Variants in EYS observed in about 807,000 individuals in gnomAD.
EYS encodes EGF-like photoreceptor maintenance factor.
Under a neutral mutation model 282.1 loss-of-function variants are expected in EYS, and 250 were observed. That is an observed-to-expected ratio of 0.89 (90% CI 0.80 to 0.98). The LOEUF is 0.98. EYS is among the 50% of genes least tolerant of loss of function. EYS has a pLI of 0.00. For missense variants in EYS, 4,016 were observed against 3,709.0 expected, an observed-to-expected ratio of 1.08 and a Z score of -2.15; for synonymous variants, 1,355 against 1,282.9, an observed-to-expected ratio of 1.06 and a Z score of -1.20.
intron 22 of EYS, among the ~76,000 whole-genome samples, chr6:64,788,390 C>T (rs1195950242): frequency 2.0e-5 from 3 of 152,140 alleles, no homozygotes; most frequent in Non-Finnish European, 4.4e-5. Flanking sequence ...GTGCGTAGAC[C>T]TCCATTAACC....
chr6:64,279,998 G>C (rs1768248922), intron 30 of EYS, among the ~76,000 whole-genome samples: 1 of 152,012 alleles, frequency 6.6e-6, no homozygotes, highest in Admixed American at 6.6e-5. Flanking sequence ...TGATTCACTG[G>C]ACACGGCAGT....
chr6:65,621,029 G>A (rs1419009376), intron 2 of EYS, among the ~76,000 whole-genome samples: 1 of 152,182 alleles, frequency 6.6e-6, no homozygotes, highest in Non-Finnish European at 1.5e-5. Flanking sequence ...TGTATATTCT[G>A]TTGATTTGAG....
intron 2 of EYS, among the ~76,000 whole-genome samples, chr6:65,498,595 A>G (rs576498106): frequency 3.2e-4 from 49 of 152,026 alleles, no homozygotes; most frequent in Middle Eastern, 3.4e-3. Flanking sequence ...TTTCAAAGAG[A>G]AAGTGGCTTG....
At chr6:64,837,306 G>A (rs1184784676) in intron 19 of EYS, among the ~76,000 whole-genome samples, 1 of 151,218 alleles carries the variant, frequency 6.6e-6, no homozygotes, top group East Asian at 1.9e-4. Flanking sequence ...TCCTCAATAA[G>A]CTAGGCATAG....
At chr6:64,511,708 G>A (rs1384158131) in intron 26 of EYS, among the ~76,000 whole-genome samples, 1 of 151,874 alleles carries the variant, frequency 6.6e-6, no homozygotes. Context: ...ACAAAGAAAG[G>A]CATATACCGT....
chr6:64,369,903 T>C (rs2150413035), intron 29 of EYS, among the ~76,000 whole-genome samples: 1 of 152,200 alleles, frequency 6.6e-6, no homozygotes, highest in Admixed American at 6.6e-5. Flanking sequence ...TTGCCAAAGT[T>C]GTTTATAAGG....
chr6:63,901,991 C>CA (rs1773670636), intron 35 of EYS, among the ~76,000 whole-genome samples: 1 of 152,062 alleles, frequency 6.6e-6, no homozygotes, highest in Non-Finnish European at 1.5e-5. Flanking sequence ...CCCCCTGGTT[C>CA]AAGTGACCCT....
intron 35 of EYS, among the ~76,000 whole-genome samples, chr6:63,954,579 C>T (rs1340573810): frequency 6.6e-6 from 1 of 152,176 alleles, no homozygotes; most frequent in African/African-American, 2.4e-5. Context: ...TCATTCACTG[C>T]AAGGGCCATC....
intron 29 of EYS, among the ~76,000 whole-genome samples, chr6:64,317,725 C>A (rs991894679): frequency 6.6e-6 from 1 of 152,128 alleles, no homozygotes; most frequent in Admixed American, 6.6e-5. Context: ...AACACACATG[C>A]AAACGTATGT....
chr6:65,212,279 G>T (rs1484682941), intron 12 of EYS, among the ~76,000 whole-genome samples: 1 of 151,900 alleles, frequency 6.6e-6, no homozygotes, highest in Admixed American at 6.6e-5. Context: ...GAAAGAATAT[G>T]GTGGTCTAAC....
At chr6:64,254,818 A>G (rs1416088527) in intron 30 of EYS, among the ~76,000 whole-genome samples, 1 of 152,090 alleles carries the variant, frequency 6.6e-6, no homozygotes, top group African/African-American at 2.4e-5. Context: ...ATCTGTCAAT[A>G]CACTTGCCTT....
At chr6:65,077,716 A>G (rs1229838509) in intron 12 of EYS, among the ~76,000 whole-genome samples, 1 of 152,122 alleles carries the variant, frequency 6.6e-6, no homozygotes, top group African/African-American at 2.4e-5. Flanking sequence ...GATAGATAAC[A>G]GAATTTCTTA....
At chr6:64,180,765 A>G (rs1420024402) in intron 31 of EYS, among the ~76,000 whole-genome samples, 1 of 152,160 alleles carries the variant, frequency 6.6e-6, no homozygotes, top group Non-Finnish European at 1.5e-5. Flanking sequence ...AGATTCCAAA[A>G]AAAGATCTTT....
chr6:63,983,473 A>G (rs1767202266), intron 35 of EYS, among the ~76,000 whole-genome samples: 1 of 151,646 alleles, frequency 6.6e-6, no homozygotes, highest in African/African-American at 2.4e-5. Flanking sequence ...AGTGATCACT[A>G]TCAGAGCTTG....
intron 12 of EYS, among the ~76,000 whole-genome samples, chr6:65,098,804 G>A (rs1774809878): frequency 6.6e-6 from 1 of 150,498 alleles, no homozygotes; most frequent in Non-Finnish European, 1.5e-5. Context: ...CTTCTATTCA[G>A]TTCTTTCTTT....
At chr6:64,755,389 T>C (rs958328891) in intron 22 of EYS, among the ~76,000 whole-genome samples, 1 of 151,918 alleles carries the variant, frequency 6.6e-6, no homozygotes, top group African/African-American at 2.4e-5. Context: ...CAAAATACCA[T>C]TATTGATTTT....
intron 1 of EYS, among the ~76,000 whole-genome samples, chr6:65,678,250 G>T (rs532255649): frequency 5.9e-5 from 9 of 151,920 alleles, no homozygotes; most frequent in Non-Finnish European, 1.3e-4. Flanking sequence ...CTGCCCCCAT[G>T]AGCCAAACAT....
rs368779425 is a variant in EYS, at chr6:65,329,412, A to G, written c.1766+5568T>C. 3.1e-4 allele frequency: 287 copies of G among 919,150 alleles called. No homozygotes were observed. The African/African-American group carries it at 5.0e-3, about 16-fold the overall frequency. The allele number at this position is 919,150 out of a possible 1,614,324, so 56.9% of individuals were successfully genotyped here. A position where few individuals can be genotyped will look rare whatever the true frequency, so the allele number is the denominator to read the frequency against. On this transcript the variant is annotated intron_variant, in intron 11 of 42. Transcript: ENST00000503581. ...TTTTACTATAAGGATTTAAGAACCA[A>G]GATTATTTGGTTTTCTAGAGCATAA...
chr6:64,294,159 T>A (rs1259535703), intron 30 of EYS, among the ~76,000 whole-genome samples: 2 of 152,090 alleles, frequency 1.3e-5, no homozygotes, highest in African/African-American at 4.8e-5. Flanking sequence ...CTTGGTAAAA[T>A]GATTCAAGCA....
Sources: gnomAD v4.1 joint callset for allele counts (sites outside exome capture counted in the v4.1 genomes callset) on GRCh38, gnomAD v4.1.1 for gene constraint, MANE v1.5 for transcripts, NCBI Gene and HGNC (gene_info 2026-07-23, HGNC 2026-07-21) for gene names.